Variants in UBAP2L observed in about 807,000 individuals in gnomAD.
UBAP2L encodes ubiquitin associated protein 2 like, also known as ubiquitin-associated protein 2-like.
In UBAP2L, 12 loss-of-function variants were observed where a neutral mutation model predicts 130.6. That is an observed-to-expected ratio of 0.09 (90% CI 0.06 to 0.15). The LOEUF is 0.15. Among genes scored for constraint, UBAP2L ranks in the 10% least tolerant of loss-of-function variants. The pLI is 1.00. For synonymous variants in UBAP2L, 503 were observed against 524.7 expected (o/e 0.96, Z 0.57); for missense variants, 965 against 1,332.5 (o/e 0.72, Z 4.29).
intron 9 of UBAP2L, chr1:154,241,822 A>C: frequency 1.1e-5 from 11 of 977,102 alleles, no homozygotes; most frequent in Non-Finnish European, 1.2e-5. Flanking sequence ...TGATTGTCGG[A>C]TTTATCCCAG....
At chr1:154,228,446 C>G (rs1668704429) in intron 3 of UBAP2L, among the ~76,000 whole-genome samples, 169 bp from the exon 4 acceptor site, 1 of 152,216 alleles carries the variant, frequency 6.6e-6, no homozygotes, top group South Asian at 2.1e-4. Context: ...CTCAGCCTTG[C>G]AAAGTGCTGG....
intron 10 of UBAP2L, among the ~76,000 whole-genome samples, chr1:154,243,915 A>C (rs1288391880): frequency 6.6e-6 from 1 of 152,250 alleles, no homozygotes; most frequent in Admixed American, 6.5e-5. Context: ...GTTTTGAAGT[A>C]AGTCAGGGAA....
chr1:154,225,154 C>G lies in UBAP2L; in HGVS notation c.31C>G (p.Arg11Gly), dbSNP rs1296420437. 1 of 1,613,966 alleles carries G rather than the reference C, an allele frequency of 6.2e-7. No homozygotes were observed. Residue 11 changes from arginine to glycine, a missense_variant, in exon 2 of 27, where the codon CGG (arginine) becomes GGG (glycine). Physicochemically the swap from Arg to Gly is moderately radical, Grantham distance 125. This residue lies in a region of UBAP2L where 24 missense variants were observed against 27.7 expected (regional missense o/e 0.87). Transcript: ENST00000428931. MMTSVGTNRA[R>G]GNWEQPQNQN... ...GACATCGGTGGGCACTAACCGAGCC[C>G]GGGGAAACTGGGAACAACCTCAAAA... is the stretch of plus-strand genomic sequence containing the variant.
intron 24 of UBAP2L, among the ~76,000 whole-genome samples, chr1:154,264,436 A>G (rs1682604578): frequency 6.6e-6 from 1 of 152,138 alleles, no homozygotes; most frequent in African/African-American, 2.4e-5. Context: ...GATCTTCCTA[A>G]TAACTGGTGA....
intron 24 of UBAP2L, chr1:154,263,183 G>A: frequency 6.4e-7 from 1 of 1,551,282 alleles, no homozygotes; most frequent in Non-Finnish European, 8.7e-7. Context: ...TGTGTTTTGT[G>A]TGTGTGTATA....
intron 1 of UBAP2L, among the ~76,000 whole-genome samples, chr1:154,222,539 G>A (rs181390772): frequency 1.4e-3 from 220 of 152,256 alleles, no homozygotes; most frequent in Non-Finnish European, 2.4e-3. Flanking sequence ...CATCTTTAAA[G>A]CTCCTCCTTG....
At position 154,234,505 on chromosome 1, in the gene UBAP2L, A is replaced by C. The variant is rs1217724139; in HGVS notation, c.280-86A>C. The stretch of plus-strand genomic sequence containing the variant: ...CATGGATGCTGAGTGGAGAATGGTT[A>C]AGTCAATCAGTCATCCCAGCTTTCA... On this transcript the variant is annotated intron_variant, in intron 4 of 26. Coordinates refer to ENST00000428931, the MANE Select transcript of UBAP2L (RefSeq NM_014847.4). The C allele has an allele frequency of 2.1e-6, 3 of 1,437,552 alleles. No homozygotes were observed. The African/African-American group carries it at 4.2e-5, about 20-fold the overall frequency. The allele number at this position is 1,437,552 out of a possible 1,614,324, so 89.0% of individuals were successfully genotyped here.
Position 154,270,636 on chromosome 1 carries a change from A to G in UBAP2L, c.*341A>G. Reference sequence around the variant, plus strand: ...GATGAGGCGGGGAGGTGGGACCCCCAAACATATATCAGCCCAACAGCCCTA... The same window carrying G: ...GATGAGGCGGGGAGGTGGGACCCCCGAACATATATCAGCCCAACAGCCCTA... On this transcript the variant is annotated 3_prime_UTR_variant, in exon 27 of 27. Coordinates refer to ENST00000428931, the MANE Select transcript of UBAP2L (RefSeq NM_014847.4). 1 of 1,412,686 alleles carries G rather than the reference A, an allele frequency of 7.1e-7. No homozygotes were observed. Among genetic ancestry groups the G allele is most frequent in the Non-Finnish European group, 9.2e-7 (1 of 1,089,562 alleles). 87.5% of individuals were successfully genotyped at this position (1,412,686 alleles called of 1,614,324 possible).
rs751467270 is a variant in UBAP2L at position 154,237,077 on chromosome 1, G to T, written c.644G>T (p.Gly215Val). ...AEPANTDDNY[G>V]NSSGNTWNNT... is the part of the protein sequence containing the mutation. The stretch of plus-strand genomic sequence containing the variant: ...CCAGCCAATACTGATGATAACTATG[G>T]CAATAGCAGCGGCAATACGTGGAAC... Residue 215 changes from glycine to valine, a missense_variant, in exon 8 of 27, where the codon GGC becomes GTC. By Grantham distance (109) the Gly-to-Val change is moderately radical (BLOSUM62 -3). Coordinates refer to ENST00000428931, the MANE Select transcript of UBAP2L (RefSeq NM_014847.4). 26 of 1,614,030 alleles carry T rather than the reference G, an allele frequency of 1.6e-5. No individual in the cohort carries two copies. The highest frequency in any genetic ancestry group is 2.2e-5 in the Non-Finnish European group (26 of 1,180,036).
upstream of UBAP2L, chr1:154,220,289 G>C: frequency 6.3e-7 from 1 of 1,598,374 alleles, no homozygotes; most frequent in African/African-American, 1.3e-5. Flanking sequence ...CAAAAGGAGG[G>C]TCTCTACTGG....
chr1:154,262,954 G>T, intron 24 of UBAP2L: 1 of 723,394 alleles, frequency 1.4e-6, no homozygotes, highest in Non-Finnish European at 2.2e-6. Flanking sequence ...AAGAGAATTG[G>T]CATACCTGAT....
intron 24 of UBAP2L, among the ~76,000 whole-genome samples, chr1:154,265,163 G>A (rs1293122232): frequency 5.3e-5 from 8 of 152,194 alleles, no homozygotes; most frequent in African/African-American, 1.7e-4. Context: ...TGTTGGGAAG[G>A]TTTTCCAGAT....
At position 154,232,950 on chromosome 1, in the gene UBAP2L, G is replaced by C. The variant is rs1033032066; in HGVS notation, c.280-1641G>C. Among the ~76,000 whole-genome samples the C allele has an allele frequency of 2.0e-5, 3 of 152,018 alleles. No homozygotes were observed. In the East Asian group the frequency reaches 5.8e-4, roughly 29 times the overall value. ...TGGCCTGAAATGATCCTCCTGCCTTGATCTCTCGACCTCCCAAAGTGCTGA... is the reference window on the plus strand; with the variant it reads ...TGGCCTGAAATGATCCTCCTGCCTTCATCTCTCGACCTCCCAAAGTGCTGA... On this transcript the variant is annotated intron_variant, in intron 4 of 26. Transcript: ENST00000428931.
rs758212922 is a variant in UBAP2L, at chr1:154,255,732, C to T, written c.2134C>T (p.Arg712Cys). The change falls in exon 18 of 27, where the codon CGC (arginine) becomes TGC (cysteine). Residue 712 changes from arginine to cysteine, a missense_variant. Physicochemically the swap from Arg to Cys is radical, Grantham distance 180 (BLOSUM62 -3). Transcript: ENST00000428931. ...CCTTTCATCATCAACATCTTCTGGG[C>T]GCACTTCGACATCCACTCTTTTGGT... ...NTLSSSTSSG[R>C]TSTSTLLHTS... 2.6e-5 allele frequency: 42 copies of T among 1,613,992 alleles called. No individual in the cohort carries two copies. The highest frequency in any genetic ancestry group is 5.3e-5 in the African/African-American group (4 of 74,896).
At chr1:154,261,215 C>G in intron 23 of UBAP2L, 106 bp downstream of exon 23, 1 of 1,269,832 alleles carries the variant, frequency 7.9e-7, no homozygotes, top group South Asian at 1.5e-5. Context: ...TGAGGAGGAA[C>G]AGTTTCCACC....
At chr1:154,235,594 C>G (rs549747554) in intron 6 of UBAP2L, among the ~76,000 whole-genome samples, 17 of 152,264 alleles carry the variant, frequency 1.1e-4, no homozygotes, top group Admixed American at 7.2e-4. Flanking sequence ...ACTGCAACCT[C>G]TGCCTCCCGG....
intron 5 of UBAP2L, 55 bp downstream of exon 5, chr1:154,234,814 G>C: frequency 6.4e-7 from 1 of 1,550,906 alleles, no homozygotes; most frequent in Non-Finnish European, 8.7e-7. Flanking sequence ...CTAGACTCTA[G>C]GGATGTGCCA....
chr1:154,268,485 C>T (rs1283754467), intron 25 of UBAP2L, among the ~76,000 whole-genome samples: 1 of 152,222 alleles, frequency 6.6e-6, no homozygotes, highest in African/African-American at 2.4e-5. Flanking sequence ...GCCACCATGC[C>T]CAGCCTATTT....
At chr1:154,220,528 G>A, upstream of UBAP2L, 1 of 1,099,374 alleles carries the variant, frequency 9.1e-7, no homozygotes, top group East Asian at 2.4e-5. Flanking sequence ...TTCCTTACGG[G>A]GGAAGACCAA....
Sources: gnomAD v4.1 joint callset for allele counts (sites outside exome capture counted in the v4.1 genomes callset) on GRCh38, gnomAD v4.1.1 for gene constraint, gnomAD v4.1.1 regional missense constraint, MANE v1.5 for transcripts, NCBI Gene and HGNC (gene_info 2026-07-23, HGNC 2026-07-21) for gene names.